The following DLG2 variants were observed in gnomAD, a reference collection of about 807,000 sequenced individuals.
DLG2 encodes the protein discs large MAGUK scaffold protein 2, also known as disks large homolog 2.
In DLG2, 45 loss-of-function variants were observed where a neutral mutation model predicts 132.5. The observed-to-expected ratio is 0.34, with a 90% confidence interval of 0.27 to 0.44. The LOEUF (loss-of-function observed/expected upper bound fraction) is 0.44, where lower values mean the gene tolerates loss of function less well. Ranked by LOEUF, DLG2 falls within the 20% of genes least tolerant of loss-of-function variation. The pLI is 1.00. For missense variants in DLG2, 1,045 were observed against 1,196.9 expected (o/e 0.87, Z 1.87); for synonymous variants, 424 against 419.6 (o/e 1.01, Z -0.13).
intron 6 of DLG2, among the ~76,000 whole-genome samples, chr11:84,996,706 A>T (rs2057684673): frequency 6.6e-6 from 1 of 152,194 alleles, no homozygotes; most frequent in Non-Finnish European, 1.5e-5. Flanking sequence ...CTAATTACAC[A>T]GTAAATATGA....
chr11:83,821,349 G>T (rs1167224933), intron 17 of DLG2, among the ~76,000 whole-genome samples: 3 of 152,184 alleles, frequency 2.0e-5, no homozygotes, highest in African/African-American at 7.2e-5. Context: ...GGAGTGAATG[G>T]TGTCAGAAGT....
intron 19 of DLG2, among the ~76,000 whole-genome samples, chr11:83,623,271 G>A (rs1189496370): frequency 2.0e-5 from 3 of 152,080 alleles, no homozygotes; most frequent in Non-Finnish European, 4.4e-5. Flanking sequence ...AATCTGAGAT[G>A]ATTACCAAAT....
chr11:85,585,268 C>G (rs902800366), intron 3 of DLG2, among the ~76,000 whole-genome samples: 1 of 152,164 alleles, frequency 6.6e-6, no homozygotes, highest in Non-Finnish European at 1.5e-5. Context: ...TGTCCTTTCC[C>G]CACCTTATGT....
intron 11 of DLG2, among the ~76,000 whole-genome samples, chr11:84,058,661 TGG>T (rs2096543904): frequency 6.6e-6 from 1 of 151,480 alleles, no homozygotes; most frequent in Non-Finnish European, 1.5e-5. Flanking sequence ...CACTCTAGCC[TGG>T]GCAACAGAGT....
chr11:85,496,536 G>A (rs1236249491), intron 3 of DLG2, among the ~76,000 whole-genome samples: 6 of 152,122 alleles, frequency 3.9e-5, no homozygotes, highest in South Asian at 2.1e-4. Context: ...ATACTTAAAC[G>A]TCCCTGCTGG....
chr11:84,055,114 G>A (rs955794281), intron 11 of DLG2, among the ~76,000 whole-genome samples: 1 of 151,932 alleles, frequency 6.6e-6, no homozygotes, highest in Non-Finnish European at 1.5e-5. Flanking sequence ...CTGCTTCCTT[G>A]AGATTTCCTT....
At chr11:84,783,391 C>A (rs1022570317) in intron 6 of DLG2, among the ~76,000 whole-genome samples, 2 of 152,166 alleles carry the variant, frequency 1.3e-5, no homozygotes, top group Non-Finnish European at 1.5e-5. Context: ...ATGCTAAATT[C>A]ATTCCTACTC....
rs188552441 is a variant in DLG2 at position 84,060,139 on chromosome 11, C to A, written c.750-655G>T. Among the ~76,000 whole-genome samples, 1,344 of 151,988 alleles carry A rather than the reference C, an allele frequency of 8.8e-3. 21 individuals carry two copies. The highest frequency in any genetic ancestry group is 0.03 in the African/African-American group (1,258 of 41,414). On this transcript the variant is annotated intron_variant, in intron 10 of 27. Coordinates refer to ENST00000376104, the MANE Select transcript of DLG2 (RefSeq NM_001142699.3). ...ACCAGCCTGACCAATATGGTGAAACCCCGTCTCTACCAAAAATACAAAAAT... is the reference window on the plus strand; with the variant it reads ...ACCAGCCTGACCAATATGGTGAAACACCGTCTCTACCAAAAATACAAAAAT...
intron 19 of DLG2, among the ~76,000 whole-genome samples, chr11:83,577,660 A>C (rs2096899386): frequency 8.0e-6 from 1 of 125,744 alleles, no homozygotes; most frequent in African/African-American, 3.0e-5. Flanking sequence ...AATATATAAT[A>C]TTATAAATAT....
chr11:85,169,546 G>T (rs2078697372), intron 4 of DLG2, among the ~76,000 whole-genome samples: 1 of 152,066 alleles, frequency 6.6e-6, no homozygotes, highest in Non-Finnish European at 1.5e-5. Context: ...AATTTTTAGG[G>T]GTAGTAAATG....
chr11:85,396,483 C>A (rs894886307), intron 3 of DLG2, among the ~76,000 whole-genome samples: 41 of 152,092 alleles, frequency 2.7e-4, no homozygotes, highest in African/African-American at 9.9e-4. Flanking sequence ...CTTCTCCAAG[C>A]TAAAGGAGCA....
intron 5 of DLG2, among the ~76,000 whole-genome samples, chr11:85,132,336 T>C (rs1198943828): frequency 6.6e-6 from 1 of 152,200 alleles, no homozygotes; most frequent in African/African-American, 2.4e-5. Context: ...CAAGTCACAG[T>C]AAAGCTGATT....
intron 6 of DLG2, among the ~76,000 whole-genome samples, chr11:85,039,954 T>C (rs1225739807): frequency 1.3e-5 from 2 of 151,820 alleles, no homozygotes; most frequent in African/African-American, 2.4e-5. Context: ...TTGTGAATTC[T>C]CTCCTTTGGA....
chr11:84,384,938 T>C (rs1340334589), intron 7 of DLG2, among the ~76,000 whole-genome samples: 7 of 152,122 alleles, frequency 4.6e-5, no homozygotes, highest in Non-Finnish European at 1.0e-4. Flanking sequence ...TTCCATCTGT[T>C]TCCATGTGCC....
At chr11:84,552,030 C>T (rs562341843) in intron 6 of DLG2, among the ~76,000 whole-genome samples, 1 of 152,244 alleles carries the variant, frequency 6.6e-6, no homozygotes, top group Admixed American at 6.5e-5. Flanking sequence ...AGATGGTTTA[C>T]ATTAGACTGA....
intron 6 of DLG2, among the ~76,000 whole-genome samples, chr11:84,760,758 A>C (rs2067510065): frequency 6.6e-6 from 1 of 152,212 alleles, no homozygotes; most frequent in South Asian, 2.1e-4. Context: ...AATACTGATT[A>C]GAAGAGGGCA....
intron 6 of DLG2, among the ~76,000 whole-genome samples, chr11:84,555,450 C>T (rs976946273): frequency 5.5e-4 from 84 of 152,092 alleles, no homozygotes; most frequent in African/African-American, 1.9e-3. Flanking sequence ...CATATATACA[C>T]ACACACACAC....
At chr11:85,151,155 T>G (rs2077224522) in intron 5 of DLG2, among the ~76,000 whole-genome samples, 1 of 152,232 alleles carries the variant, frequency 6.6e-6, no homozygotes, top group Non-Finnish European at 1.5e-5. Context: ...ATTGGCCATT[T>G]GTATATTTTC....
chr11:85,387,263 C>T (rs1008502344), intron 3 of DLG2, among the ~76,000 whole-genome samples: 1 of 152,154 alleles, frequency 6.6e-6, no homozygotes, highest in Admixed American at 6.5e-5. Flanking sequence ...TACTCTACAA[C>T]ATTTTTATAA....
Sources: gnomAD v4.1 joint callset for allele counts (sites outside exome capture counted in the v4.1 genomes callset) on GRCh38, gnomAD v4.1.1 for gene constraint, MANE v1.5 for transcripts, NCBI Gene and HGNC (gene_info 2026-07-23, HGNC 2026-07-21) for gene names.